PCDHGA8: variants seen among roughly 807,000 people sequenced by gnomAD.
PCDHGA8 encodes protocadherin gamma subfamily A, 8, also known as protocadherin gamma-A8.
Under a neutral mutation model 59.2 loss-of-function variants are expected in PCDHGA8, and 45 were observed. The ratio of observed to expected loss-of-function variants is 0.76; its 90% confidence interval spans 0.60 to 0.98. The LOEUF (loss-of-function observed/expected upper bound fraction) is 0.98, where lower values mean the gene tolerates loss of function less well. PCDHGA8 is among the 50% of genes least tolerant of loss of function. The probability of loss-of-function intolerance (pLI) is 0.00; values close to 1 mark genes in which losing one functional copy is unlikely to be tolerated. For synonymous variants in PCDHGA8, 531 were observed against 519.0 expected, an observed-to-expected ratio of 1.02 and a Z score of -0.32; for missense variants, 1,257 against 1,196.2, an observed-to-expected ratio of 1.05 and a Z score of -0.75.
chr5:141,396,996 C>G (rs1435849865), intron 1 of PCDHGA8, among the ~76,000 whole-genome samples: 1 of 152,218 alleles, frequency 6.6e-6, no homozygotes, highest in Non-Finnish European at 1.5e-5. Context: ...TTTTATTAAT[C>G]TGACAAATGG....
intron 1 of PCDHGA8, chr5:141,427,797 G>T: frequency 6.6e-7 from 1 of 1,505,306 alleles, no homozygotes; most frequent in Non-Finnish European, 9.1e-7. Flanking sequence ...CTACGTGTCC[G>T]TGAGCGCACA....
chr5:141,510,272 TAAA>T (rs546154379), intron 3 of PCDHGA8, among the ~76,000 whole-genome samples: 2 of 130,370 alleles, frequency 1.5e-5, no homozygotes, highest in Non-Finnish European at 3.3e-5. Context: ...GACTCCATCT[TAAA>T]AAAAAAAAAA....
intron 3 of PCDHGA8, among the ~76,000 whole-genome samples, chr5:141,510,533 C>A (rs1366903068): frequency 6.6e-6 from 1 of 152,118 alleles, no homozygotes; most frequent in Non-Finnish European, 1.5e-5. Flanking sequence ...GAGAGAAATA[C>A]CAGCGAATGT....
chr5:141,492,616 G>C (rs976681246), intron 1 of PCDHGA8, among the ~76,000 whole-genome samples: 2 of 152,252 alleles, frequency 1.3e-5, no homozygotes, highest in African/African-American at 4.8e-5. Context: ...CTAAGTGCCG[G>C]GCGGGCAGGA....
At chr5:141,459,710 C>T (rs2098973565) in intron 1 of PCDHGA8, among the ~76,000 whole-genome samples, 1 of 152,204 alleles carries the variant, frequency 6.6e-6, no homozygotes, top group Non-Finnish European at 1.5e-5. Flanking sequence ...CATTTTCTCA[C>T]CAATGCTTCC....
Position 141,511,151 on chromosome 5 carries a change from C to T in PCDHGA8, c.2777C>T (p.Ser926Leu), listed in dbSNP as rs202071188. The T allele has an allele frequency of 3.0e-5, 49 of 1,614,152 alleles. No individual in the cohort carries two copies. The highest frequency in any genetic ancestry group is 2.6e-4 in the South Asian group (24 of 91,066). The change falls in exon 4 of 4, where the codon TCG becomes TTG. Residue 926 changes from serine (S) to leucine (L), a missense_variant. Ser to Leu is a moderately radical substitution (Grantham distance 145, BLOSUM62 -2). Coordinates refer to ENST00000398604, the MANE Select transcript of PCDHGA8 (RefSeq NM_032088.2). ...GGTGGCAATGGCAACAAGAAGAAGT[C>T]GGGCAAGAAGGAGAAGAAGTAACAT... ...PAGGNGNKKK[S>L]GKKEKK
chr5:141,477,644 T>A lies in PCDHGA8; in HGVS notation c.2425-17163T>A. On this transcript the variant is annotated intron_variant, in intron 1 of 3. Coordinates refer to ENST00000398604, the MANE Select transcript of PCDHGA8 (RefSeq NM_032088.2). The surrounding 1 kb of genome is among the most constrained non-coding windows in gnomAD (Gnocchi z 4.9). ...TGAAACCGGGCTAGTGGGTCGCTAT[T>A]TCACAATAAATCGTGACAATGGCAT... The A allele has an allele frequency of 6.2e-7, 1 of 1,614,200 alleles. No homozygotes were observed. Among genetic ancestry groups the A allele is most frequent in the Non-Finnish European group, 8.5e-7 (1 of 1,180,036 alleles).
chr5:141,453,869 G>A (rs887544235), intron 1 of PCDHGA8, among the ~76,000 whole-genome samples: 9 of 152,144 alleles, frequency 5.9e-5, no homozygotes, highest in Non-Finnish European at 1.2e-4. Context: ...TAACAGATGA[G>A]CAAAATAATG....
In PCDHGA8 at chr5:141,404,546, G is replaced by A. The variant is rs753308273; in HGVS notation, c.2424+9309G>A. 11 of 1,613,800 alleles carry A rather than the reference G, an allele frequency of 6.8e-6. No individual in the cohort carries two copies. In the East Asian group the frequency reaches 2.2e-4, roughly 33 times the overall value. ...GCAGTTTAGAGATTTGCAAATGCAGGTGACGGCAAGTGACAGTGGAAGCCC... is the reference window on the plus strand; with the variant it reads ...GCAGTTTAGAGATTTGCAAATGCAGATGACGGCAAGTGACAGTGGAAGCCC... On this transcript the variant is annotated intron_variant, in intron 1 of 3. Transcript: ENST00000398604.
intron 2 of PCDHGA8, among the ~76,000 whole-genome samples, chr5:141,501,838 G>C (rs888418141): frequency 6.6e-6 from 1 of 152,000 alleles, no homozygotes; most frequent in African/African-American, 2.4e-5. Flanking sequence ...CACCTGTTTG[G>C]CCCTCAACCT....
chr5:141,421,395 G>A (rs2096569109), intron 1 of PCDHGA8: 1 of 1,613,950 alleles, frequency 6.2e-7, no homozygotes, highest in Admixed American at 1.7e-5. Flanking sequence ...TGGGGCTGGA[G>A]CCCCGGGAGC....
chr5:141,439,226 G>A (rs1337835258), intron 1 of PCDHGA8, among the ~76,000 whole-genome samples: 1 of 151,442 alleles, frequency 6.6e-6, no homozygotes, highest in African/African-American at 2.4e-5. Flanking sequence ...AAAATTCTTA[G>A]AAGCTTCCTA....
chr5:141,392,641 C>G lies in PCDHGA8; in HGVS notation c.-173C>G, dbSNP rs541777624. 2 of 655,502 alleles carry G rather than the reference C, an allele frequency of 3.1e-6. No individual in the cohort carries two copies. The highest frequency in any genetic ancestry group is 2.5e-6 in the Non-Finnish European group (1 of 407,010). 40.6% of individuals were successfully genotyped at this position (655,502 alleles called of 1,614,324 possible). A position where few individuals can be genotyped will look rare whatever the true frequency, so the allele number is the denominator to read the frequency against. ...GAAAACACTCAGATCTCACACCTCACGAAGACCCGCAGATGCCACAAACTA... is the reference window on the plus strand; with the variant it reads ...GAAAACACTCAGATCTCACACCTCAGGAAGACCCGCAGATGCCACAAACTA... On this transcript the variant is annotated 5_prime_UTR_variant, in exon 1 of 4. Coordinates refer to ENST00000398604, the MANE Select transcript of PCDHGA8 (RefSeq NM_032088.2).
chr5:141,474,488 A>C (rs2099350464), intron 1 of PCDHGA8, among the ~76,000 whole-genome samples: 1 of 152,208 alleles, frequency 6.6e-6, no homozygotes. Flanking sequence ...AATGTATTCT[A>C]TCTTCTAATG....
chr5:141,430,723 A>C lies in PCDHGA8; in HGVS notation c.2424+35486A>C, dbSNP rs554822923. ...GAACTGCTCCTGACTTCAGTGGTTAAGGGCAGAATTGAAAATAATTCTGGA... is the reference window on the plus strand; with the variant it reads ...GAACTGCTCCTGACTTCAGTGGTTACGGGCAGAATTGAAAATAATTCTGGA... On this transcript the variant is annotated intron_variant, in intron 1 of 3. Transcript: ENST00000398604. 58 of 1,493,590 alleles carry C rather than the reference A, an allele frequency of 3.9e-5. No homozygotes were observed. The African/African-American group carries it at 7.7e-4, about 20-fold the overall frequency. The allele number at this position is 1,493,590 out of a possible 1,614,324, so 92.5% of individuals were successfully genotyped here. A position where few individuals can be genotyped will look rare whatever the true frequency, so the allele number is the denominator to read the frequency against.
chr5:141,415,163 C>A, intron 1 of PCDHGA8: 1 of 1,613,856 alleles, frequency 6.2e-7, no homozygotes. Flanking sequence ...GCCACTGTCA[C>A]GCTCACCGTG....
Position 141,425,635 on chromosome 5 carries a change from T to C in PCDHGA8, c.2424+30398T>C, listed in dbSNP as rs376675545. On this transcript the variant is annotated intron_variant, in intron 1 of 3. Coordinates refer to ENST00000398604, the MANE Select transcript of PCDHGA8 (RefSeq NM_032088.2). ...TCAGTGCTCCTCCAGTTTTCTCTGA[T>C]AAAACTAGGAGGAAAATTATCTGCA... Among the ~76,000 whole-genome samples, 51 of 152,354 alleles carry C rather than the reference T, an allele frequency of 3.3e-4. 1 individual carries two copies. The South Asian group carries it at 0.01, about 30-fold the overall frequency.
In PCDHGA8 at chr5:141,392,641, C is replaced by CGAA; in HGVS notation, c.-170_-168dup. On this transcript the variant is annotated 5_prime_UTR_variant, in exon 1 of 4. Transcript: ENST00000398604. ...GAAAACACTCAGATCTCACACCTCA[C>CGAA]GAAGACCCGCAGATGCCACAAACTA... The CGAA allele has an allele frequency of 1.5e-6, 1 of 655,502 alleles. No individual in the cohort carries two copies. The highest frequency in any genetic ancestry group is 2.5e-6 in the Non-Finnish European group (1 of 407,010). The allele number at this position is 655,502 out of a possible 1,614,324, so 40.6% of individuals were successfully genotyped here. A position where few individuals can be genotyped will look rare whatever the true frequency, so the allele number is the denominator to read the frequency against.
chr5:141,394,755 G>A lies in PCDHGA8; in HGVS notation c.1942G>A (p.Asp648Asn), dbSNP rs2093086176. 2 of 1,613,434 alleles carry A rather than the reference G, an allele frequency of 1.2e-6. No homozygotes were observed. The highest frequency in any genetic ancestry group is 8.5e-7 in the Non-Finnish European group (1 of 1,179,992). The change falls in exon 1 of 4, where the codon GAC becomes AAC. Residue 648 changes from aspartate to asparagine, a missense_variant. Physicochemically the swap from Asp to Asn is conservative, Grantham distance 23. Coordinates refer to ENST00000398604, the MANE Select transcript of PCDHGA8 (RefSeq NM_032088.2). ...LKQSLVVAVQ[D>N]HGQPPLSATV... ...GCAGAGCCTCGTGGTGGCCGTCCAG[G>A]ACCATGGCCAGCCCCCTCTCTCCGC... is the stretch of plus-strand genomic sequence containing the variant.
Sources: allele counts gnomAD v4.1 joint callset (sites outside exome capture counted in the v4.1 genomes callset), GRCh38; gene constraint gnomAD v4.1.1; non-coding constraint Gnocchi (gnomAD v3.1); transcripts MANE v1.5; gene names NCBI Gene and HGNC (gene_info 2026-07-23, HGNC 2026-07-21).